TXNDC11: variants seen among roughly 807,000 people sequenced by gnomAD.
The protein encoded by TXNDC11 is thioredoxin domain-containing protein 11.
A neutral mutation model predicts 78.0 loss-of-function variants in TXNDC11; 68 were observed. The ratio of observed to expected loss-of-function variants is 0.87; its 90% CI spans 0.72 to 1.07. TXNDC11 has a LOEUF of 1.07. Ranked by LOEUF, TXNDC11 falls within the 50% of genes least tolerant of loss-of-function variation. The pLI is 0.00. For synonymous variants in TXNDC11, 571 were observed against 495.2 expected, an observed-to-expected ratio of 1.15 and a Z score of -2.03; for missense variants, 1,389 against 1,221.8, an observed-to-expected ratio of 1.14 and a Z score of -2.04.
intron 5 of TXNDC11, among the ~76,000 whole-genome samples, chr16:11,704,615 T>C (rs1417544634): frequency 2.0e-5 from 3 of 152,232 alleles, no homozygotes; most frequent in East Asian, 3.8e-4. Flanking sequence ...CCTATTTCTA[T>C]GGTATTGCTG....
At chr16:11,740,014 G>C (rs893553630) in intron 1 of TXNDC11, among the ~76,000 whole-genome samples, 1 of 151,988 alleles carries the variant, frequency 6.6e-6, no homozygotes, top group African/African-American at 2.4e-5. Flanking sequence ...TCAACATGGT[G>C]AAACCCCGTC....
chr16:11,694,800 G>A (rs1396902670), intron 7 of TXNDC11, among the ~76,000 whole-genome samples: 1 of 152,210 alleles, frequency 6.6e-6, no homozygotes, highest in Non-Finnish European at 1.5e-5. Flanking sequence ...TCCTATGAAG[G>A]GGAATTTATG....
rs772162660 is a variant in TXNDC11 at position 11,679,540 on chromosome 16, G to C, written c.2532C>G (p.Ala844=). Residue 844 remains alanine, a synonymous_variant, in exon 12 of 12, where the codon GCC becomes GCG. Coordinates refer to ENST00000283033, the MANE Select transcript of TXNDC11 (RefSeq NM_015914.7). The surrounding 1 kb of genome is among the most constrained non-coding windows in gnomAD (Gnocchi z 4.6). The part of the protein sequence containing the change: ...DEHRLRQQQR[A]LEEQHSLLHA... ...GGAGCAGGCTGTGCTGCTCTTCCAG[G>C]GCCCGCTGCTGCTGCCGCAGCCGGT... is the stretch of plus-strand genomic sequence containing the variant. 6.2e-7 allele frequency: 1 copy of C among 1,613,424 alleles called. No homozygotes were observed. Among genetic ancestry groups the C allele is most frequent in the Admixed American group, 1.7e-5 (1 of 60,026 alleles).
At chr16:11,717,695 C>A (rs1005248914) in intron 5 of TXNDC11, among the ~76,000 whole-genome samples, 4 of 150,224 alleles carry the variant, frequency 2.7e-5, no homozygotes, top group Non-Finnish European at 4.4e-5. Flanking sequence ...GTGGCAGGCG[C>A]CTGTAATCCC....
chr16:11,708,136 G>T (rs898260095), intron 5 of TXNDC11, among the ~76,000 whole-genome samples: 16 of 152,276 alleles, frequency 1.1e-4, no homozygotes, highest in African/African-American at 3.8e-4. Flanking sequence ...GGTTCATATT[G>T]TATTTCCATT....
chr16:11,696,793 G>C (rs914237172), intron 7 of TXNDC11, among the ~76,000 whole-genome samples: 7 of 152,120 alleles, frequency 4.6e-5, no homozygotes, highest in Non-Finnish European at 4.4e-5. Context: ...CAACAGGCGA[G>C]AAAGAGTCTT....
intron 4 of TXNDC11, among the ~76,000 whole-genome samples, chr16:11,728,643 T>C (rs921165801): frequency 2.0e-5 from 3 of 152,178 alleles, no homozygotes; most frequent in African/African-American, 4.8e-5. Flanking sequence ...ACTTGGAGGA[T>C]AGTCTTTTAA....
In TXNDC11 at chr16:11,679,168, T is replaced by C. The variant is rs2050338877; in HGVS notation, c.*27A>G. ...ATATTCCCAATGTACAATTTTCACC[T>C]CTGATTTCTTCATATCATTTAAAAA... On this transcript the variant is annotated 3_prime_UTR_variant, in exon 12 of 12. Coordinates refer to ENST00000283033, the MANE Select transcript of TXNDC11 (RefSeq NM_015914.7). The surrounding 1 kb of genome is among the most constrained non-coding windows in gnomAD (Gnocchi z 4.6). 3 of 1,604,734 alleles carry C rather than the reference T, an allele frequency of 1.9e-6. No individual in the cohort carries two copies. In the African/African-American group the frequency reaches 4.0e-5, roughly 22 times the overall value.
In TXNDC11 at chr16:11,742,835, C is replaced by G. The variant is rs574478124; in HGVS notation, c.-105G>C. 18 of 1,355,024 alleles carry G rather than the reference C, an allele frequency of 1.3e-5. No individual in the cohort carries two copies. In the African/African-American group the frequency reaches 2.4e-4, roughly 18 times the overall value. 83.9% of individuals were successfully genotyped at this position (1,355,024 alleles called of 1,614,324 possible). A position where few individuals can be genotyped will look rare whatever the true frequency, so the allele number is the denominator to read the frequency against. On this transcript the variant is annotated 5_prime_UTR_variant, in exon 1 of 12. Transcript: ENST00000283033. Reference sequence around the variant, plus strand: ...TCCCGCAGCTCGCCGCACCCGCTAACCCGGACGCTCCACGTCAGCCGCGCC... The same window carrying G: ...TCCCGCAGCTCGCCGCACCCGCTAAGCCGGACGCTCCACGTCAGCCGCGCC...
intron 5 of TXNDC11, among the ~76,000 whole-genome samples, chr16:11,718,334 A>G (rs2141080306): frequency 6.6e-6 from 1 of 152,372 alleles, no homozygotes; most frequent in Middle Eastern, 3.4e-3. Context: ...TAGCCAGCTG[A>G]ACCAAGGCAT....
intron 5 of TXNDC11, among the ~76,000 whole-genome samples, chr16:11,713,544 G>A (rs1363810541): frequency 2.0e-5 from 3 of 151,854 alleles, no homozygotes; most frequent in Non-Finnish European, 4.4e-5. Context: ...AGCCTCCCAA[G>A]CAGCTAGGAT....
rs776292106 is a variant in TXNDC11, at chr16:11,698,226, C to T, written c.1006G>A (p.Gly336Ser). 8.1e-6 allele frequency: 13 copies of T among 1,614,130 alleles called. No individual in the cohort carries two copies. In the Admixed American group the frequency reaches 1.7e-4, roughly 21 times the overall value. The change falls in exon 7 of 12, where the codon GGC (glycine) becomes AGC (serine). Residue 336 changes from glycine to serine, a missense_variant. Physicochemically the swap from Gly to Ser is moderately conservative, Grantham distance 56. Transcript: ENST00000283033. ...TCGTTATTCAGCAGGAGACTCTTGC[C>T]TCCGTGTGGCCGCAGCCACCGAAAG... ...TLFRWLRPHG[G>S]KSLLLNNELK... is the part of the protein sequence containing the mutation.
At chr16:11,738,102 A>G (rs2052280446) in intron 1 of TXNDC11, among the ~76,000 whole-genome samples, 2 of 152,238 alleles carry the variant, frequency 1.3e-5, no homozygotes, top group Admixed American at 1.3e-4. Flanking sequence ...GTTACTCCAC[A>G]ATAAAAACGA....
At chr16:11,690,648 G>C (rs1251409841) in intron 8 of TXNDC11, 2 of 152,342 alleles carry the variant, frequency 1.3e-5, no homozygotes, top group African/African-American at 2.4e-5. Flanking sequence ...TGCCTCCCAG[G>C]TTCACGACAT....
intron 11 of TXNDC11, among the ~76,000 whole-genome samples, chr16:11,681,170 T>G (rs2050415614): frequency 6.6e-6 from 1 of 152,090 alleles, no homozygotes. Context: ...AGACCTTGTC[T>G]CAAAAACAGA....
chr16:11,735,077 C>G (rs953357490), intron 2 of TXNDC11, among the ~76,000 whole-genome samples: 1 of 152,206 alleles, frequency 6.6e-6, no homozygotes, highest in Non-Finnish European at 1.5e-5. Context: ...ACATGTGAAT[C>G]TAAAGCATGC....
At chr16:11,688,178 T>A in intron 9 of TXNDC11, 125 bp downstream of exon 9, 1 of 1,081,966 alleles carries the variant, frequency 9.2e-7, no homozygotes, top group Non-Finnish European at 1.4e-6. Flanking sequence ...TCACGGTCCA[T>A]AATTGGGCCA....
chr16:11,741,183 C>A (rs1383220315), intron 1 of TXNDC11, among the ~76,000 whole-genome samples: 1 of 152,156 alleles, frequency 6.6e-6, no homozygotes, highest in Non-Finnish European at 1.5e-5. Context: ...CCACTAAAAT[C>A]CCCGATCTTT....
chr16:11,731,053 T>C (rs1343977258), intron 3 of TXNDC11, among the ~76,000 whole-genome samples: 1 of 152,002 alleles, frequency 6.6e-6, no homozygotes, highest in East Asian at 1.9e-4. Context: ...TTTACTCTTA[T>C]CTCTGAAAAA....
Sources: allele counts gnomAD v4.1 joint callset (sites outside exome capture counted in the v4.1 genomes callset), GRCh38; gene constraint gnomAD v4.1.1; non-coding constraint Gnocchi (gnomAD v3.1); transcripts MANE v1.5; gene names NCBI Gene and HGNC (gene_info 2026-07-23, HGNC 2026-07-21).